The following DNAH10 variants were observed in gnomAD, a reference collection of about 807,000 sequenced individuals.
DNAH10 encodes dynein axonemal heavy chain 10.
DNAH10 carries 348 observed loss-of-function variants against 506.6 expected under a neutral mutation model. The ratio of observed to expected loss-of-function variants is 0.69; its 90% CI spans 0.63 to 0.75. DNAH10 has a LOEUF of 0.75. DNAH10 is among the 30% of genes least tolerant of loss of function. The pLI is 0.00. For synonymous variants in DNAH10, 2,059 were observed against 2,198.6 expected, an observed-to-expected ratio of 0.94 and a Z score of 1.78; for missense variants, 5,179 against 5,787.1, an observed-to-expected ratio of 0.89 and a Z score of 3.41.
Position 123,808,924 on chromosome 12 carries a change from T to C in DNAH10, c.3115T>C (p.Cys1039Arg), listed in dbSNP as rs760639455. 2 of 1,614,182 alleles carry C rather than the reference T, an allele frequency of 1.2e-6. No individual in the cohort carries two copies. Among genetic ancestry groups the C allele is most frequent in the South Asian group, 2.2e-5 (2 of 91,076 alleles). ...TGAGATCGACAAGATGTGCTTCCAT[T>C]GTGTCCGGAATTGCGTGGAGATCAC... Reference protein sequence around the residue: ...TNEIDKMCFHCVRNCVEITKH... With the variant: ...TNEIDKMCFHRVRNCVEITKH... Residue 1039 changes from cysteine (C) to arginine (R), a missense_variant, in exon 19 of 79, where the codon TGT becomes CGT. Around this residue, in one of 3 missense-constraint regions of DNAH10, gnomAD observed 4,844 missense variants for 5,430.5 expected, o/e 0.89. Transcript: ENST00000673944.
In DNAH10 at chr12:123,933,366, G is replaced by A. The variant is rs370675426; in HGVS notation, c.13332G>A (p.Ser4444=). 52 of 1,603,304 alleles carry A rather than the reference G, an allele frequency of 3.2e-5. No homozygotes were observed. Among genetic ancestry groups the A allele is most frequent in the African/African-American group, 1.3e-4 (10 of 74,338 alleles). Residue 4444 remains serine (S), a synonymous_variant, in exon 77 of 79, where the codon TCG becomes TCA. Coordinates refer to ENST00000673944, the MANE Select transcript of DNAH10 (RefSeq NM_001372106.1). ...TESEPSVMWL[S]GLHIPESYLT... ...GCGAGCCCAGCGTGATGTGGCTCTC[G>A]GGGCTGCACATCCCTGAGTCCTACC...
rs771130841 is a variant in DNAH10, at chr12:123,867,613, TC to T, written c.7302+15del. 4 of 1,612,200 alleles carry T rather than the reference TC, an allele frequency of 2.5e-6. No homozygotes were observed. The Admixed American group carries it at 6.7e-5, about 27-fold the overall frequency. ...CAGACCTCAATATGGTAAGAAATGATCCCTGCTGTTAGCAAAAAGAAATTCT... is the reference window on the plus strand; with the variant it reads ...CAGACCTCAATATGGTAAGAAATGATCCTGCTGTTAGCAAAAAGAAATTCT... On this transcript the variant is annotated intron_variant, in intron 42 of 78. Coordinates refer to ENST00000673944, the MANE Select transcript of DNAH10 (RefSeq NM_001372106.1).
At chr12:123,910,405 G>A (rs1032534193) in intron 58 of DNAH10, 131 bp from the exon 59 acceptor site, 16 of 1,199,834 alleles carry the variant, frequency 1.3e-5, no homozygotes, top group Admixed American at 4.5e-5. Flanking sequence ...GCTGTTGGCC[G>A]TAGGAGAGCT....
At position 123,848,741 on chromosome 12, in the gene DNAH10, G is replaced by A. The variant is rs1951050700; in HGVS notation, c.5961G>A (p.Lys1987=). The change falls in exon 34 of 79, where the codon AAG becomes AAA. Residue 1987 remains lysine (K), a synonymous_variant. Transcript: ENST00000673944. ...GTCTTTCTTCCTAGGCCGTGGGGAAGATTTTCTCTGGCCTGGCACAGTGCG... is the reference window on the plus strand; with the variant it reads ...GTCTTTCTTCCTAGGCCGTGGGGAAAATTTTCTCTGGCCTGGCACAGTGCG... ...GEGMDYRAVG[K]IFSGLAQCGA... 1.9e-6 allele frequency: 3 copies of A among 1,613,964 alleles called. No homozygotes were observed. The highest frequency in any genetic ancestry group is 1.7e-6 in the Non-Finnish European group (2 of 1,179,864).
intron 57 of DNAH10, among the ~76,000 whole-genome samples, chr12:123,904,753 C>T (rs538609498): frequency 4.6e-5 from 7 of 152,262 alleles, no homozygotes; most frequent in African/African-American, 1.2e-4. Flanking sequence ...AGAATTGTCT[C>T]GGCTGCATCA....
chr12:123,935,467 C>G lies in DNAH10; in HGVS notation c.13756C>G (p.Leu4586Val). The change falls in exon 79 of 79, where the codon CTG (leucine) becomes GTG (valine). Residue 4586 changes from leucine to valine, a missense_variant. By Grantham distance (32) the Leu-to-Val change is conservative (BLOSUM62 1). Around this residue, in one of 3 missense-constraint regions of DNAH10, gnomAD observed 4,844 missense variants for 5,430.5 expected, o/e 0.89. Transcript: ENST00000673944. Reference sequence around the variant, plus strand: ...GGTGCTGCAAGGAGTATGCCTCACCCTGAATTCTGATTAACCTTTGGGTGA... The same window carrying G: ...GGTGCTGCAAGGAGTATGCCTCACCGTGAATTCTGATTAACCTTTGGGTGA... The part of the protein sequence containing the change: ...HWVLQGVCLT[L>V]NSD 6.3e-7 allele frequency: 1 copy of G among 1,588,566 alleles called. No individual in the cohort carries two copies. Among genetic ancestry groups the G allele is most frequent in the Admixed American group, 1.7e-5 (1 of 59,688 alleles).
At chr12:123,813,043 T>C (rs1959001704) in intron 19 of DNAH10, 121 bp from the exon 20 acceptor site, 4 of 693,070 alleles carry the variant, frequency 5.8e-6, no homozygotes, top group Admixed American at 6.1e-5. Context: ...TCTCAAATAA[T>C]TTATTAATAA....
rs1182388659 is a variant in DNAH10, at chr12:123,926,698, C to T, written c.11983C>T (p.Pro3995Ser). ...TTTTGAGCAGAGCACTCCACATTCG[C>T]CCATTGTGTTTATCCTGAGTCCTGG... Reference protein sequence around the residue: ...AIFEQSTPHSPIVFILSPGSD... With the variant: ...AIFEQSTPHSSIVFILSPGSD... The change falls in exon 69 of 79, where the codon CCC (proline) becomes TCC (serine). Residue 3995 changes from proline (P) to serine (S), a missense_variant. Around this residue, in one of 3 missense-constraint regions of DNAH10, gnomAD observed 4,844 missense variants for 5,430.5 expected, o/e 0.89. Transcript: ENST00000673944. The surrounding 1 kb of genome is among the most constrained non-coding windows in gnomAD (Gnocchi z 4.1). 6.2e-7 allele frequency: 1 copy of T among 1,613,986 alleles called. No homozygotes were observed. Among genetic ancestry groups the T allele is most frequent in the Non-Finnish European group, 8.5e-7 (1 of 1,179,892 alleles).
rs1383690518 is a variant in DNAH10, at chr12:123,896,148, C to CACACATAG, written c.9280+1426_9280+1427insCACATAGA. 1.4e-3 allele frequency among the ~76,000 whole-genome samples: 132 copies of CACACATAG among 95,314 alleles called. 2 individuals are homozygous for CACACATAG. Among genetic ancestry groups the CACACATAG allele is most frequent in the South Asian group, 2.6e-3 (7 of 2,696 alleles). 62.5% of individuals were successfully genotyped at this position (95,314 alleles called of 152,430 possible). ...ACACACACACACACACACACACACA[C>CACACATAG]AGAGAGAGAGAGAGAGAGAGAGAGA... is the stretch of plus-strand genomic sequence containing the variant. On this transcript the variant is annotated intron_variant, in intron 54 of 78. Coordinates refer to ENST00000673944, the MANE Select transcript of DNAH10 (RefSeq NM_001372106.1).
Position 123,893,429 on chromosome 12 carries a change from C to T in DNAH10, c.9192C>T (p.Asn3064=). ...ACACCCTGAGGACCTGGTGCAGAAA[C>T]TTCCCAGGTACCCGCGGTGGAGCCT... is the stretch of plus-strand genomic sequence containing the variant. The part of the protein sequence containing the change: ...VGDTLRTWCR[N]FPGMVNNTGI... Residue 3064 remains asparagine (N), a synonymous_variant, in exon 53 of 79, where the codon AAC becomes AAT. Transcript: ENST00000673944. 6.2e-7 allele frequency: 1 copy of T among 1,612,554 alleles called. No individual in the cohort carries two copies. The highest frequency in any genetic ancestry group is 8.5e-7 in the Non-Finnish European group (1 of 1,179,888).
At position 123,916,622 on chromosome 12, in the gene DNAH10, G is replaced by A; in HGVS notation, c.10888G>A (p.Gly3630Arg). ...VSQGRQFIIL[G>R]DKEVDYDSNF... ...CCAAGGACGGCAGTTTATTATCCTG[G>A]GAGACAAGGAAGTGGACTATGATTC... is the stretch of plus-strand genomic sequence containing the variant. The change falls in exon 63 of 79, where the codon GGA becomes AGA. Residue 3630 changes from glycine to arginine, a missense_variant. This residue lies in a region of DNAH10 where 4,844 missense variants were observed against 5,430.5 expected (regional missense o/e 0.89). Transcript: ENST00000673944. This position sits in a 1 kb window ranked among gnomAD's most constrained non-coding sequence, Gnocchi z 4.6. The A allele has an allele frequency of 6.2e-7, 1 of 1,613,848 alleles. No individual in the cohort carries two copies. Among genetic ancestry groups the A allele is most frequent in the Non-Finnish European group, 8.5e-7 (1 of 1,179,866 alleles).
At position 123,913,864 on chromosome 12, in the gene DNAH10, G is replaced by C. The variant is rs1011392919; in HGVS notation, c.10353-465G>C. ...AAACACTGAAAAATGTTGTTTGCGT[G>C]TGGGAAACAATTTTCAGTATTTCTT... On this transcript the variant is annotated intron_variant, in intron 60 of 78. Transcript: ENST00000673944. This position sits in a 1 kb window ranked among gnomAD's most constrained non-coding sequence, Gnocchi z 5.1. 1.3e-5 allele frequency among the ~76,000 whole-genome samples: 2 copies of C among 152,222 alleles called. No homozygotes were observed. Among genetic ancestry groups the C allele is most frequent in the African/African-American group, 4.8e-5 (2 of 41,448 alleles).
chr12:123,857,508 T>A (rs972316005), intron 37 of DNAH10, among the ~76,000 whole-genome samples: 16 of 152,162 alleles, frequency 1.1e-4, no homozygotes, highest in Admixed American at 6.5e-5. Flanking sequence ...GGCGGGTGGA[T>A]CACGAGGTCA....
At chr12:123,882,960 T>C (rs1290350024) in intron 51 of DNAH10, among the ~76,000 whole-genome samples, 4 of 152,216 alleles carry the variant, frequency 2.6e-5, no homozygotes, top group African/African-American at 9.7e-5. Flanking sequence ...TATTCTAGAC[T>C]TTCATGTGAA....
chr12:123,877,333 A>T (rs1362423142), intron 47 of DNAH10, among the ~76,000 whole-genome samples: 4 of 151,956 alleles, frequency 2.6e-5, no homozygotes, highest in Non-Finnish European at 5.9e-5. Context: ...TTGTTTTGAG[A>T]TGGAGTCTCC....
chr12:123,902,723 G>A lies in DNAH10; in HGVS notation c.9641-216G>A, dbSNP rs1438233102. 1.3e-5 allele frequency among the ~76,000 whole-genome samples: 2 copies of A among 152,184 alleles called. No homozygotes were observed. Among genetic ancestry groups the A allele is most frequent in the Non-Finnish European group, 1.5e-5 (1 of 68,034 alleles). On this transcript the variant is annotated intron_variant, in intron 56 of 78. Coordinates refer to ENST00000673944, the MANE Select transcript of DNAH10 (RefSeq NM_001372106.1). The surrounding 1 kb of genome is among the most constrained non-coding windows in gnomAD (Gnocchi z 4.5). ...GACACAGGTGGGCCAGTTGAGGAAG[G>A]TCAGAGTCAGGGTGGCTGCCTAGTG...
chr12:123,827,360 T>G (rs953039939), intron 25 of DNAH10, among the ~76,000 whole-genome samples: 5 of 152,230 alleles, frequency 3.3e-5, no homozygotes. Flanking sequence ...CATTTATTCA[T>G]GAGATATTTT....
intron 30 of DNAH10, among the ~76,000 whole-genome samples, chr12:123,842,510 A>G (rs558892993): frequency 1.3e-5 from 2 of 152,340 alleles, no homozygotes; most frequent in Non-Finnish European, 2.9e-5. Flanking sequence ...TCTTGTTATT[A>G]TGAGAACACC....
Position 123,796,748 on chromosome 12 carries a change from A to G in DNAH10, c.2079A>G (p.Glu693=), listed in dbSNP as rs762233474. 6.2e-7 allele frequency: 1 copy of G among 1,614,004 alleles called. No homozygotes were observed. The highest frequency in any genetic ancestry group is 2.2e-5 in the East Asian group (1 of 44,898). Reference sequence around the variant, plus strand: ...CAGTAGCAGGTGCAATATACTGGGAACGATCTCTGTTCTTTCGGATTAAGC... The same window carrying G: ...CAGTAGCAGGTGCAATATACTGGGAGCGATCTCTGTTCTTTCGGATTAAGC... ...HPPVAGAIYW[E]RSLFFRIKHT... Residue 693 remains glutamate, a synonymous_variant, in exon 13 of 79, where the codon GAA becomes GAG. Coordinates refer to ENST00000673944, the MANE Select transcript of DNAH10 (RefSeq NM_001372106.1).
Sources: allele counts gnomAD v4.1 joint callset (sites outside exome capture counted in the v4.1 genomes callset), GRCh38; gene constraint gnomAD v4.1.1; regional missense constraint gnomAD v4.1.1; non-coding constraint Gnocchi (gnomAD v3.1); transcripts MANE v1.5; gene names NCBI Gene and HGNC (gene_info 2026-07-23, HGNC 2026-07-21).